ASIC2: variants seen among roughly 807,000 people sequenced by gnomAD.
ASIC2 encodes acid sensing ion channel subunit 2.
In ASIC2, 25 loss-of-function variants were observed where a neutral mutation model predicts 57.3. The observed-to-expected ratio is 0.44, with a 90% CI of 0.32 to 0.61. The LOEUF is 0.61. Ranked by LOEUF, ASIC2 falls within the 20% of genes least tolerant of loss-of-function variation. The pLI is 0.06. For synonymous variants in ASIC2, 319 were observed against 307.5 expected, an observed-to-expected ratio of 1.04 and a Z score of -0.39; for missense variants, 641 against 738.1, an observed-to-expected ratio of 0.87 and a Z score of 1.52.
chr17:33,661,267 G>C (rs527884511), intron 1 of ASIC2, among the ~76,000 whole-genome samples: 1 of 152,264 alleles, frequency 6.6e-6, no homozygotes, highest in Admixed American at 6.5e-5. Flanking sequence ...TTAGAAACCC[G>C]AAGCTCAGAA....
At chr17:34,034,705 T>C (rs9748030) in intron 1 of ASIC2, among the ~76,000 whole-genome samples, 9,913 of 152,000 alleles carry the variant, frequency 0.065, 1,060 homozygotes, top group African/African-American at 0.23. Flanking sequence ...ACAAGCATTC[T>C]TATACACCAA....
intron 1 of ASIC2, among the ~76,000 whole-genome samples, chr17:33,370,834 C>T (rs540255180): frequency 2.5e-4 from 38 of 152,286 alleles, no homozygotes; most frequent in Non-Finnish European, 3.7e-4. Flanking sequence ...AAAGGGGTCC[C>T]GATCCAGACC....
intron 1 of ASIC2, among the ~76,000 whole-genome samples, chr17:33,768,997 AT>A (rs1911016291): frequency 6.6e-6 from 1 of 152,182 alleles, no homozygotes. Context: ...TTAAAGTATA[AT>A]AAAAAAAATT....
Position 33,215,724 on chromosome 17 carries a change from C to G in ASIC2, c.708+75684G>C, listed in dbSNP as rs1313251879. On this transcript the variant is annotated intron_variant, in intron 1 of 9. Transcript: ENST00000225823. ...ATGTGGCTTTTTTTTTTTTTTGAGA[C>G]GGAGTCTCGCTGTCGCCCAGGCTGG... is the stretch of plus-strand genomic sequence containing the variant. Among the ~76,000 whole-genome samples, 3 of 141,892 alleles carry G rather than the reference C, an allele frequency of 2.1e-5. No homozygotes were observed. The South Asian group carries it at 6.9e-4, about 33-fold the overall frequency. The allele number at this position is 141,892 out of a possible 152,430, so 93.1% of individuals were successfully genotyped here. A position where few individuals can be genotyped will look rare whatever the true frequency, so the allele number is the denominator to read the frequency against.
At chr17:33,095,105 CAG>C (rs1298790201) in intron 2 of ASIC2, among the ~76,000 whole-genome samples, 4 of 152,210 alleles carry the variant, frequency 2.6e-5, no homozygotes, top group Non-Finnish European at 5.9e-5. Flanking sequence ...GTTCTTAGCA[CAG>C]AGTTTAGCTT....
At chr17:34,154,885 C>T (rs565403644) in intron 1 of ASIC2, among the ~76,000 whole-genome samples, 13 of 152,162 alleles carry the variant, frequency 8.5e-5, no homozygotes, top group African/African-American at 3.1e-4. Flanking sequence ...GATACCCAGA[C>T]GTGCCTGGCA....
intron 1 of ASIC2, among the ~76,000 whole-genome samples, chr17:34,077,379 A>G (rs908462830): frequency 6.6e-6 from 1 of 152,202 alleles, no homozygotes; most frequent in African/African-American, 2.4e-5. Context: ...AGTTCCTGCA[A>G]TAACCTAGGA....
chr17:33,968,327 G>A (rs1286466717), intron 1 of ASIC2, among the ~76,000 whole-genome samples: 1 of 152,180 alleles, frequency 6.6e-6, no homozygotes, highest in Non-Finnish European at 1.5e-5. Context: ...CCTGAACAGG[G>A]GGCAGAATCT....
intron 1 of ASIC2, among the ~76,000 whole-genome samples, chr17:33,123,039 G>A (rs566655989): frequency 1.3e-5 from 2 of 152,216 alleles, no homozygotes; most frequent in African/African-American, 4.8e-5. Flanking sequence ...TACACTGTTG[G>A]TGGGAATGTA....
chr17:33,188,284 TAA>T (rs1906280800), intron 1 of ASIC2, among the ~76,000 whole-genome samples: 1 of 151,980 alleles, frequency 6.6e-6, no homozygotes, highest in Admixed American at 6.6e-5. Context: ...TACACAAAGT[TAA>T]AAGACAAAAT....
intron 1 of ASIC2, among the ~76,000 whole-genome samples, chr17:33,302,233 A>G (rs1448353774): frequency 6.6e-6 from 1 of 152,202 alleles, no homozygotes; most frequent in Non-Finnish European, 1.5e-5. Flanking sequence ...TGTCCCATAC[A>G]CATAACAAAA....
intron 1 of ASIC2, among the ~76,000 whole-genome samples, chr17:34,140,415 C>T (rs1187108381): frequency 6.6e-6 from 1 of 152,066 alleles, no homozygotes; most frequent in Non-Finnish European, 1.5e-5. Flanking sequence ...TAGCTCTGTC[C>T]ACTGAGAAGG....
At chr17:33,220,190 G>C (rs1907639009) in intron 1 of ASIC2, among the ~76,000 whole-genome samples, 1 of 152,114 alleles carries the variant, frequency 6.6e-6, no homozygotes, top group Admixed American at 6.5e-5. Flanking sequence ...CTCCCCAACT[G>C]ATCTTCCAGC....
intron 1 of ASIC2, among the ~76,000 whole-genome samples, chr17:33,276,028 C>T (rs1904689577): frequency 6.6e-6 from 1 of 152,084 alleles, no homozygotes; most frequent in South Asian, 2.1e-4. Context: ...TCCAGTTTTT[C>T]AGCACCAGAC....
At chr17:33,599,255 T>A (rs1905064984) in intron 1 of ASIC2, among the ~76,000 whole-genome samples, 1 of 152,214 alleles carries the variant, frequency 6.6e-6, no homozygotes, top group Admixed American at 6.5e-5. Flanking sequence ...AACAGGCCTA[T>A]TTTGTGGTCT....
At position 33,111,975 on chromosome 17, in the gene ASIC2, C is replaced by A; in HGVS notation, c.801G>T (p.Gly267=). The change falls in exon 2 of 10, where the codon GGG becomes GGT. Residue 267 remains glycine (G), a synonymous_variant. Coordinates refer to ENST00000225823, the MANE Select transcript of ASIC2 (RefSeq NM_183377.2). The part of the protein sequence containing the change: ...LTTVKGGTGN[G]LEIMLDIQQD... Reference sequence around the variant, plus strand: ...GCTGAATGTCCAGCATGATCTCCAGCCCGTTGCCTGTCCCCCCCTTGACCG... The same window carrying A: ...GCTGAATGTCCAGCATGATCTCCAGACCGTTGCCTGTCCCCCCCTTGACCG... 1 of 1,614,114 alleles carries A rather than the reference C, an allele frequency of 6.2e-7. No individual in the cohort carries two copies.
intron 1 of ASIC2, among the ~76,000 whole-genome samples, chr17:33,831,361 T>C (rs1259163701): frequency 6.6e-6 from 1 of 152,034 alleles, no homozygotes; most frequent in African/African-American, 2.4e-5. Flanking sequence ...CCGGATCTCT[T>C]GTGGATTAAG....
intron 3 of ASIC2, among the ~76,000 whole-genome samples, chr17:33,068,732 T>C (rs922503618): frequency 2.0e-5 from 3 of 152,216 alleles, no homozygotes; most frequent in African/African-American, 7.2e-5. Flanking sequence ...ACTTGTGCTT[T>C]TTCTTTTTCT....
chr17:33,150,297 C>CA (rs1363295408), intron 1 of ASIC2, among the ~76,000 whole-genome samples: 1 of 152,208 alleles, frequency 6.6e-6, no homozygotes, highest in African/African-American at 2.4e-5. Context: ...GATTCCCTCC[C>CA]ACCACCTGCC....
Sources: allele counts gnomAD v4.1 joint callset (sites outside exome capture counted in the v4.1 genomes callset), GRCh38; gene constraint gnomAD v4.1.1; transcripts MANE v1.5; gene names NCBI Gene and HGNC (gene_info 2026-07-23, HGNC 2026-07-21).